The following STARD10 variants were observed in gnomAD, a reference collection of about 807,000 sequenced individuals.
The protein encoded by STARD10 is START domain-containing protein 10.
In STARD10, 24 loss-of-function variants were observed where a neutral mutation model predicts 36.0. That is an observed-to-expected ratio of 0.67 (90% CI 0.48 to 0.94). The LOEUF (loss-of-function observed/expected upper bound fraction) is 0.94, where lower values mean the gene tolerates loss of function less well. Among genes scored for constraint, STARD10 ranks in the 40% least tolerant of loss-of-function variants. The pLI is 0.00. For missense variants in STARD10, 335 were observed against 396.6 expected, an observed-to-expected ratio of 0.84 and a Z score of 1.32; for synonymous variants, 156 against 161.9, an observed-to-expected ratio of 0.96 and a Z score of 0.28.
In STARD10 at chr11:72,754,864, G is replaced by A. The variant is rs778363444; in HGVS notation, c.*33C>T. 11 of 1,563,392 alleles carry A rather than the reference G, an allele frequency of 7.0e-6. No individual in the cohort carries two copies. The South Asian group carries it at 7.8e-5, about 11-fold the overall frequency. ...GCGGCCGCCGCCCCAGGGCTCGCCC[G>A]GTCCTGTCTCCGTCCCTGAAGCGGT... On this transcript the variant is annotated 3_prime_UTR_variant, in exon 7 of 7. Coordinates refer to ENST00000334805, the MANE Select transcript of STARD10 (RefSeq NM_006645.3).
intron 2 of STARD10, among the ~76,000 whole-genome samples, chr11:72,761,917 C>CTTTTCTTTTTTTTTTT (rs1555023007): frequency 1.1e-4 from 4 of 37,478 alleles, no homozygotes; most frequent in African/African-American, 4.9e-4. Context: ...CTTTTCTTTT[C>CTTTTCTTTTTTTTTTT]TTTTTTTTTT....
At chr11:72,792,665 G>T (rs999234754) in intron 1 of STARD10, among the ~76,000 whole-genome samples, 1 of 152,048 alleles carries the variant, frequency 6.6e-6, no homozygotes, top group Non-Finnish European at 1.5e-5. Context: ...AGCTCAATGC[G>T]CATCACTTCC....
chr11:72,776,529 A>G (rs1298982142), intron 2 of STARD10, among the ~76,000 whole-genome samples: 1 of 152,118 alleles, frequency 6.6e-6, no homozygotes, highest in Non-Finnish European at 1.5e-5. Context: ...GGGCCCAATC[A>G]TGTTAATAAC....
chr11:72,781,274 C>T lies in STARD10; in HGVS notation c.-93G>A. ...GACAACGTCGACGCGGCTGCAGATG[C>T]TGACGCCACCTTCCTGGGACCTGCA... On this transcript the variant is annotated 5_prime_UTR_variant, in exon 2 of 7. Transcript: ENST00000334805. The surrounding 1 kb of genome is among the most constrained non-coding windows in gnomAD (Gnocchi z 4.7). 9.2e-7 allele frequency: 1 copy of T among 1,091,544 alleles called. No homozygotes were observed. Among genetic ancestry groups the T allele is most frequent in the Non-Finnish European group, 1.3e-6 (1 of 753,266 alleles). 67.6% of individuals were successfully genotyped at this position (1,091,544 alleles called of 1,614,324 possible).
At chr11:72,792,798 C>T (rs1859164306) in intron 1 of STARD10, 77 bp downstream of exon 1, 1 of 152,890 alleles carries the variant, frequency 6.5e-6, no homozygotes, top group South Asian at 2.1e-4. Flanking sequence ...CCACTCCTTT[C>T]CATTCAGAGT....
intron 1 of STARD10, among the ~76,000 whole-genome samples, chr11:72,787,098 A>G (rs902361457): frequency 1.3e-5 from 2 of 151,604 alleles, no homozygotes; most frequent in Non-Finnish European, 2.9e-5. Flanking sequence ...AAAAAAAAAA[A>G]AAAAAAAGGA....
intron 2 of STARD10, among the ~76,000 whole-genome samples, chr11:72,772,659 GTCTA>G (rs1454408981): frequency 7.1e-4 from 108 of 152,154 alleles, no homozygotes; most frequent in African/African-American, 2.4e-3. Flanking sequence ...CTGTCTGTCT[GTCTA>G]TCTCTCTCTC....
chr11:72,767,614 G>A (rs531538722), intron 2 of STARD10, among the ~76,000 whole-genome samples: 1 of 152,246 alleles, frequency 6.6e-6, no homozygotes, highest in South Asian at 2.1e-4. Flanking sequence ...GCTGACCAGG[G>A]AGGCAAAGCT....
intron 1 of STARD10, among the ~76,000 whole-genome samples, chr11:72,785,376 C>G (rs968352441): frequency 2.0e-5 from 3 of 151,604 alleles, no homozygotes; most frequent in Non-Finnish European, 4.4e-5. Flanking sequence ...ACCAGCCTGG[C>G]CAACATGGTG....
intron 1 of STARD10, among the ~76,000 whole-genome samples, chr11:72,789,264 T>C (rs1859113072): frequency 6.6e-6 from 1 of 152,212 alleles, no homozygotes; most frequent in African/African-American, 2.4e-5. Context: ...GAGTGCTCAA[T>C]AACTGCCACA....
chr11:72,757,709 C>T lies in STARD10; in HGVS notation c.577+58G>A. The T allele has an allele frequency of 2.0e-6, 3 of 1,510,508 alleles. No individual in the cohort carries two copies. In the South Asian group the frequency reaches 3.4e-5, roughly 17 times the overall value. 93.6% of individuals were successfully genotyped at this position (1,510,508 alleles called of 1,614,324 possible). On this transcript the variant is annotated intron_variant, in intron 5 of 6. Coordinates refer to ENST00000334805, the MANE Select transcript of STARD10 (RefSeq NM_006645.3). The stretch of plus-strand genomic sequence containing the variant: ...CTTCTGGATCCCTAGTAGATCAGGC[C>T]CCACCCCTGTGGTATAGGGAAGGAT...
chr11:72,787,516 G>T (rs949140313), intron 1 of STARD10, among the ~76,000 whole-genome samples: 4 of 152,228 alleles, frequency 2.6e-5, no homozygotes, highest in African/African-American at 9.7e-5. Context: ...GAACCAGGTG[G>T]ATTCTCCTTC....
intron 1 of STARD10, among the ~76,000 whole-genome samples, chr11:72,783,323 A>C (rs1253586949): frequency 2.0e-5 from 3 of 152,156 alleles, no homozygotes; most frequent in Admixed American, 6.5e-5. Context: ...ATGACCTTAG[A>C]TCTCCAGGCC....
At chr11:72,785,656 C>T (rs1436810755) in intron 1 of STARD10, among the ~76,000 whole-genome samples, 1 of 151,836 alleles carries the variant, frequency 6.6e-6, no homozygotes, top group Non-Finnish European at 1.5e-5. Flanking sequence ...GTATTACATA[C>T]CACACCTTCC....
At chr11:72,759,109 G>A in intron 3 of STARD10, 125 bp downstream of exon 3, 2 of 1,190,782 alleles carry the variant, frequency 1.7e-6, no homozygotes. Context: ...CTATCTCTCA[G>A]CACTCAAGTC....
intron 1 of STARD10, among the ~76,000 whole-genome samples, chr11:72,791,137 C>T (rs1462900429): frequency 6.6e-6 from 1 of 152,100 alleles, no homozygotes; most frequent in African/African-American, 2.4e-5. Context: ...TTGAGACAGT[C>T]CCAAGGCTTA....
At chr11:72,772,236 C>T (rs373942067) in intron 2 of STARD10, among the ~76,000 whole-genome samples, 2,281 of 118,260 alleles carry the variant, frequency 0.019, 52 homozygotes, top group African/African-American at 0.058. Context: ...GTGGGCATGG[C>T]TCCCCTGTGC....
chr11:72,774,876 C>A (rs1031435968), intron 2 of STARD10, among the ~76,000 whole-genome samples: 3 of 152,362 alleles, frequency 2.0e-5, no homozygotes, highest in Non-Finnish European at 4.4e-5. Context: ...GAAAACCCAT[C>A]TGTCTCCAGG....
intron 2 of STARD10, among the ~76,000 whole-genome samples, chr11:72,764,068 G>A (rs1858753917): frequency 6.6e-6 from 1 of 152,192 alleles, no homozygotes; most frequent in African/African-American, 2.4e-5. Flanking sequence ...TTGGATGCTA[G>A]TTGGCTCTGC....
Sources: gnomAD v4.1 joint callset for allele counts (sites outside exome capture counted in the v4.1 genomes callset) on GRCh38, gnomAD v4.1.1 for gene constraint, Gnocchi (gnomAD v3.1) non-coding constraint, MANE v1.5 for transcripts, NCBI Gene and HGNC (gene_info 2026-07-23, HGNC 2026-07-21) for gene names.